Variants in STARD13 observed in about 807,000 individuals in gnomAD.
STARD13 encodes the protein StAR related lipid transfer domain containing 13, also known as stAR-related lipid transfer protein 13.
In STARD13, 62 loss-of-function variants were observed where a neutral mutation model predicts 106.4. The observed-to-expected ratio is 0.58, with a 90% CI of 0.48 to 0.72. The LOEUF (loss-of-function observed/expected upper bound fraction) is 0.72, where lower values mean the gene tolerates loss of function less well. Ranked by LOEUF, STARD13 falls within the 30% of genes least tolerant of loss-of-function variation. The probability of loss-of-function intolerance (pLI) is 0.00; values close to 1 mark genes in which losing one functional copy is unlikely to be tolerated. For synonymous variants in STARD13, 565 were observed against 553.0 expected (o/e 1.02, Z -0.31); for missense variants, 1,387 against 1,424.0 (o/e 0.97, Z 0.42).
intron 1 of STARD13, chr13:33,272,967 T>C (rs2138365390): frequency 6.6e-6 from 1 of 152,346 alleles, no homozygotes; most frequent in South Asian, 2.1e-4. Flanking sequence ...ATCTCTCTTT[T>C]ACCGGTTAAT....
the STARD13 span, among the ~76,000 whole-genome samples, chr13:33,447,281 A>G: frequency 6.6e-6 from 1 of 152,210 alleles, no homozygotes; most frequent in Non-Finnish European, 1.5e-5. Flanking sequence ...TAGTCCTTCT[A>G]TCCAAAACAG....
At chr13:33,143,385 A>G (rs1880102053) in intron 3 of STARD13, among the ~76,000 whole-genome samples, 1 of 151,202 alleles carries the variant, frequency 6.6e-6, no homozygotes, top group Admixed American at 6.6e-5. Context: ...TATAGTATGT[A>G]TTTTTTGAGT....
chr13:33,602,956 C>T, the STARD13 span, among the ~76,000 whole-genome samples: 1 of 152,194 alleles, frequency 6.6e-6, no homozygotes, highest in Non-Finnish European at 1.5e-5. Flanking sequence ...TTAGGGACCA[C>T]TGCCATAGAC....
intron 3 of STARD13, 70 bp downstream of exon 3, chr13:33,165,267 C>T: frequency 1.7e-6 from 2 of 1,179,008 alleles, no homozygotes; most frequent in Middle Eastern, 1.9e-4. Context: ...GCTGAGCTCG[C>T]CCTTCAGTAT....
the STARD13 span, among the ~76,000 whole-genome samples, chr13:33,591,231 G>C: frequency 6.6e-6 from 1 of 152,204 alleles, no homozygotes; most frequent in South Asian, 2.1e-4. Flanking sequence ...CTGTCTTCCA[G>C]ATAGGAAGGT....
At chr13:33,337,817 A>C (rs1454235040) in intron 1 of STARD13, among the ~76,000 whole-genome samples, 1 of 152,230 alleles carries the variant, frequency 6.6e-6, no homozygotes, top group African/African-American at 2.4e-5. Flanking sequence ...GACCAGCTAC[A>C]TCATTTGCAG....
intron 1 of STARD13, among the ~76,000 whole-genome samples, chr13:33,231,928 A>C (rs1888945948): frequency 6.6e-6 from 1 of 152,202 alleles, no homozygotes; most frequent in Non-Finnish European, 1.5e-5. Flanking sequence ...CCCTGATATA[A>C]AATGGCATAG....
At chr13:33,249,841 G>A (rs1890006558) in intron 1 of STARD13, among the ~76,000 whole-genome samples, 1 of 152,082 alleles carries the variant, frequency 6.6e-6, no homozygotes, top group African/African-American at 2.4e-5. Flanking sequence ...CCAGGCCAGA[G>A]TGCAGTGGCG....
chr13:33,180,033 C>T (rs1024063755), intron 1 of STARD13, among the ~76,000 whole-genome samples: 5 of 152,192 alleles, frequency 3.3e-5, no homozygotes, highest in Admixed American at 6.5e-5. Flanking sequence ...GATTCTTACA[C>T]GACAAGTATC....
chr13:33,516,503 T>C, the STARD13 span, among the ~76,000 whole-genome samples: 1 of 152,114 alleles, frequency 6.6e-6, no homozygotes, highest in Non-Finnish European at 1.5e-5. Context: ...GGCTATTTCT[T>C]GGGAATCCAT....
At chr13:33,121,413 C>G (rs1876281953) in intron 7 of STARD13, among the ~76,000 whole-genome samples, 1 of 151,682 alleles carries the variant, frequency 6.6e-6, no homozygotes, top group Non-Finnish European at 1.5e-5. Flanking sequence ...CTAAAAAATA[C>G]AAAAATTAGC....
chr13:33,365,379 CAT>C, the STARD13 span, among the ~76,000 whole-genome samples: 4 of 152,192 alleles, frequency 2.6e-5, no homozygotes, highest in African/African-American at 4.8e-5. Flanking sequence ...GTATGCTTCT[CAT>C]GTGCATCAAC....
the STARD13 span, among the ~76,000 whole-genome samples, chr13:33,637,257 A>T: frequency 2.0e-5 from 3 of 152,270 alleles, no homozygotes; most frequent in East Asian, 3.9e-4. Flanking sequence ...TTCTCTGGCC[A>T]TGTTCTAAAC....
intron 1 of STARD13, among the ~76,000 whole-genome samples, chr13:33,239,957 A>C (rs905084956): frequency 6.6e-6 from 1 of 152,216 alleles, no homozygotes; most frequent in Non-Finnish European, 1.5e-5. Flanking sequence ...ATATCAAATA[A>C]ATTTTTGCAA....
rs564182764 is a variant in STARD13, at chr13:33,182,662, C to T, written c.170-15040G>A. The stretch of plus-strand genomic sequence containing the variant: ...TTACAAATTTGTGTTGGGCCACATT[C>T]AAAGCCATCCTGGGCTGCATGCGGC... On this transcript the variant is annotated intron_variant, in intron 1 of 13. Transcript: ENST00000336934. 4.6e-5 allele frequency among the ~76,000 whole-genome samples: 7 copies of T among 152,344 alleles called. 1 individual carries two copies. In the South Asian group the frequency reaches 1.4e-3, roughly 32 times the overall value.
the STARD13 span, among the ~76,000 whole-genome samples, chr13:33,668,198 T>G: frequency 6.6e-6 from 1 of 152,232 alleles, no homozygotes; most frequent in African/African-American, 2.4e-5. Context: ...GTTTTTCTTT[T>G]ATCAGTTGTT....
Position 33,310,946 on chromosome 13 carries a change from G to T in STARD13, c.124+39344C>A, listed in dbSNP as rs554322753. 4.6e-5 allele frequency among the ~76,000 whole-genome samples: 7 copies of T among 152,056 alleles called. No homozygotes were observed. In the East Asian group the frequency reaches 1.4e-3, roughly 29 times the overall value. On this transcript the variant is annotated intron_variant, in intron 1 of 5. Transcript: ENST00000567873. ...TACTGCAGGCAACTGTAACCCAATG[G>T]TAAGTATTTGTGTATCTAAGTCCAT... is the stretch of plus-strand genomic sequence containing the variant.
intron 7 of STARD13, among the ~76,000 whole-genome samples, chr13:33,125,772 A>ATGCAG (rs1877066400): frequency 6.6e-6 from 1 of 152,228 alleles, no homozygotes; most frequent in Non-Finnish European, 1.5e-5. Context: ...TACAAAGGAA[A>ATGCAG]TGCAGTACAG....
chr13:33,645,363 C>G, the STARD13 span, among the ~76,000 whole-genome samples: 2 of 152,186 alleles, frequency 1.3e-5, no homozygotes, highest in Non-Finnish European at 2.9e-5. Flanking sequence ...AATTCACAGA[C>G]AGCCAAGCTA....
Sources: allele counts gnomAD v4.1 joint callset (sites outside exome capture counted in the v4.1 genomes callset), GRCh38; gene constraint gnomAD v4.1.1; transcripts MANE v1.5; gene names NCBI Gene and HGNC (gene_info 2026-07-23, HGNC 2026-07-21).